Variants in SFTPD observed in about 807,000 individuals in gnomAD.
SFTPD encodes pulmonary surfactant-associated protein D.
SFTPD carries 18 observed loss-of-function variants against 34.6 expected under a neutral mutation model. That is an observed-to-expected ratio of 0.52 (90% CI 0.36 to 0.77). SFTPD has a LOEUF of 0.77. Among genes scored for constraint, SFTPD ranks in the 30% least tolerant of loss-of-function variants. The pLI, the probability that SFTPD is intolerant of heterozygous loss-of-function variation, is 0.00. For missense variants in SFTPD, 433 were observed against 468.9 expected (o/e 0.92, Z 0.71); for synonymous variants, 155 against 180.9 (o/e 0.86, Z 1.15).
intron 1 of SFTPD, chr10:79,973,074 A>C (rs1358273527): frequency 1.3e-5 from 2 of 152,134 alleles, no homozygotes; most frequent in Non-Finnish European, 2.9e-5. Context: ...TGACAGTAAA[A>C]GTTACAATAG....
At chr10:79,955,698 TAATAAA>T (rs1200977519) in intron 1 of SFTPD, among the ~76,000 whole-genome samples, 5 of 152,236 alleles carry the variant, frequency 3.3e-5, no homozygotes, top group African/African-American at 9.6e-5. Flanking sequence ...ATGTCTAACC[TAATAAA>T]AATGACAAAG....
In SFTPD at chr10:79,946,629, G is replaced by C. The variant is rs1345534891; in HGVS notation, c.31C>G (p.Leu11Val). The C allele has an allele frequency of 1.9e-6, 3 of 1,614,104 alleles. No homozygotes were observed. Among genetic ancestry groups the C allele is most frequent in the Non-Finnish European group, 8.5e-7 (1 of 1,180,038 alleles). Reference sequence around the variant, plus strand: ...AGGTAGCCCAGGGGCTGTGTGAGCAGGACCAGTGCAGAGAGGAGGAAGAGC... The same window carrying C: ...AGGTAGCCCAGGGGCTGTGTGAGCACGACCAGTGCAGAGAGGAGGAAGAGC... MLLFLLSALV[L>V]LTQPLGYLEA... Residue 11 changes from leucine (L) to valine (V), a missense_variant, in exon 2 of 8, where the codon CTG (leucine) becomes GTG (valine). Transcript: ENST00000372292.
intron 1 of SFTPD, chr10:79,973,309 TC>T (rs1195452233): frequency 6.6e-6 from 1 of 152,072 alleles, no homozygotes; most frequent in African/African-American, 2.4e-5. Flanking sequence ...TAGGGGAGTT[TC>T]CACTGGTACA....
Position 79,938,195 on chromosome 10 carries a change from T to TC in SFTPD, c.784dup (p.Glu262GlyfsTer35). On this transcript the variant is annotated frameshift_variant, in exon 8 of 8. Transcript: ENST00000372292. LOFTEE classifies it low-confidence loss of function (END_TRUNC). ...AAAGCCTGCTGTCTTGAAAATCTTC[T>TC]CCCCGACACTTTGGCCATTTGGGAA... is the stretch of plus-strand genomic sequence containing the variant. 6.3e-7 allele frequency: 1 copy of TC among 1,599,366 alleles called. No homozygotes were observed. The highest frequency in any genetic ancestry group is 8.6e-7 in the Non-Finnish European group (1 of 1,167,726).
chr10:79,970,048 T>C (rs994257742), intron 1 of SFTPD: 3 of 152,230 alleles, frequency 2.0e-5, no homozygotes, highest in African/African-American at 7.2e-5. Context: ...CAGTTGATTT[T>C]AGTGTATGGT....
intron 2 of SFTPD, among the ~76,000 whole-genome samples, chr10:79,944,058 T>C (rs906009566): frequency 2.0e-5 from 3 of 152,232 alleles, no homozygotes; most frequent in African/African-American, 7.2e-5. Context: ...AAACACTCAC[T>C]GTGTATCGTA....
chr10:79,950,895 G>A (rs535998068), upstream of SFTPD: 22 of 151,492 alleles, frequency 1.5e-4, no homozygotes, highest in Non-Finnish European at 2.7e-4. Flanking sequence ...TATTTTTTCT[G>A]TATTTCTGTC....
chr10:79,961,636 A>C (rs1043744011), intron 1 of SFTPD, among the ~76,000 whole-genome samples: 3 of 152,232 alleles, frequency 2.0e-5, no homozygotes, highest in African/African-American at 7.2e-5. Context: ...TTAAAAAGTC[A>C]GGAAACAACA....
chr10:79,947,616 G>C (rs1035290263), intron 1 of SFTPD, among the ~76,000 whole-genome samples: 1 of 152,146 alleles, frequency 6.6e-6, no homozygotes, highest in African/African-American at 2.4e-5. Context: ...CTTGAACCCG[G>C]GAGGTGGAGG....
At chr10:79,966,718 T>C (rs1842805051) in intron 1 of SFTPD, among the ~76,000 whole-genome samples, 1 of 145,122 alleles carries the variant, frequency 6.9e-6, no homozygotes, top group Non-Finnish European at 1.5e-5. Flanking sequence ...TGGTTTTAGG[T>C]CTAACATTTA....
intron 1 of SFTPD, chr10:79,968,133 C>T (rs1036341782): frequency 1.3e-5 from 2 of 151,826 alleles, no homozygotes; most frequent in Admixed American, 6.6e-5. Flanking sequence ...TCAGGATAAT[C>T]GGGATATCCA....
intron 3 of SFTPD, 76 bp from the exon 4 acceptor site, chr10:79,942,580 T>C (rs1564529232): frequency 3.8e-6 from 4 of 1,052,450 alleles, no homozygotes; most frequent in Non-Finnish European, 5.9e-6. Flanking sequence ...GTGAGGGTAA[T>C]AACAGAGGTA....
intron 1 of SFTPD, chr10:79,982,061 G>A: frequency 3.3e-6 from 1 of 299,508 alleles, no homozygotes; most frequent in Non-Finnish European, 6.1e-6. Flanking sequence ...GGACGTGCGG[G>A]GGGTCTCTCT....
Position 79,942,036 on chromosome 10 carries a change from T to G in SFTPD, c.468A>C (p.Ala156=). 1.9e-6 allele frequency: 3 copies of G among 1,613,800 alleles called. No individual in the cohort carries two copies. Among genetic ancestry groups the G allele is most frequent in the Non-Finnish European group, 2.5e-6 (3 of 1,179,806 alleles). The change falls in exon 5 of 8, where the codon GCA becomes GCC. Residue 156 remains alanine (A), a synonymous_variant. Transcript: ENST00000372292. ...EVGAPGMQGS[A]GARGLAGPKG... ...TAGGGCCTGCGAGGCCTCTTGCCCC[T>G]GCCGAGCCCTGCATGCCTGGGGCAC... is the stretch of plus-strand genomic sequence containing the variant.
intron 7 of SFTPD, among the ~76,000 whole-genome samples, chr10:79,939,690 T>C (rs1234725301): frequency 6.6e-6 from 1 of 152,238 alleles, no homozygotes; most frequent in Non-Finnish European, 1.5e-5. Flanking sequence ...AAGAGATATA[T>C]ACCAAATGCT....
At chr10:79,944,013 G>A (rs1842641609) in intron 2 of SFTPD, among the ~76,000 whole-genome samples, 1 of 152,204 alleles carries the variant, frequency 6.6e-6, no homozygotes, top group Admixed American at 6.5e-5. Flanking sequence ...GGTGGAGGAG[G>A]GGCACCTCCC....
chr10:79,941,519 G>T lies in SFTPD; in HGVS notation c.551-5C>A. ...GACCCATGGCTCCAGCAGACCCTGG[G>T]GTAAAAGAAGAACTGGGTGAGCTAT... On this transcript the variant is annotated splice_polypyrimidine_tract_variant and splice_region_variant and intron_variant, in intron 5 of 7. Transcript: ENST00000372292. 1 of 1,584,832 alleles carries T rather than the reference G, an allele frequency of 6.3e-7. No individual in the cohort carries two copies. The highest frequency in any genetic ancestry group is 8.6e-7 in the Non-Finnish European group (1 of 1,168,850).
At chr10:79,939,439 T>C (rs545390683) in intron 7 of SFTPD, among the ~76,000 whole-genome samples, 1 of 152,342 alleles carries the variant, frequency 6.6e-6, no homozygotes, top group South Asian at 2.1e-4. Flanking sequence ...CATGCACATA[T>C]GTGGGCATGC....
At chr10:79,982,339 T>A (rs1481725092) in intron 1 of SFTPD, 7 of 979,152 alleles carry the variant, frequency 7.1e-6, no homozygotes, top group Non-Finnish European at 8.0e-6. Flanking sequence ...CGGGCGGCGC[T>A]GCTGCGAAGG....
Sources: allele counts gnomAD v4.1 joint callset (sites outside exome capture counted in the v4.1 genomes callset), GRCh38; gene constraint gnomAD v4.1.1; transcripts MANE v1.5; gene names NCBI Gene and HGNC (gene_info 2026-07-23, HGNC 2026-07-21).